Variants in ROBO2 observed in about 807,000 individuals in gnomAD.
ROBO2 encodes the protein roundabout guidance receptor 2, also known as roundabout homolog 2.
A neutral mutation model predicts 160.8 loss-of-function variants in ROBO2; 53 were observed. The ratio of observed to expected loss-of-function variants is 0.33; its 90% CI spans 0.26 to 0.41. The LOEUF (loss-of-function observed/expected upper bound fraction) is 0.41, where lower values mean the gene tolerates loss of function less well. ROBO2 is among the 10% of genes least tolerant of loss of function. The pLI, the probability that ROBO2 is intolerant of heterozygous loss-of-function variation, is 1.00. For synonymous variants in ROBO2, 664 were observed against 611.7 expected (o/e 1.09, Z -1.26); for missense variants, 1,577 against 1,722.4 (o/e 0.92, Z 1.49).
At chr3:77,340,583 A>G (rs1275029188) in intron 2 of ROBO2, among the ~76,000 whole-genome samples, 2 of 152,154 alleles carry the variant, frequency 1.3e-5, no homozygotes, top group Non-Finnish European at 2.9e-5. Flanking sequence ...TATAATTCAG[A>G]TCTTTTTCAT....
chr3:77,634,706 G>T, intron 23 of ROBO2, 164 bp from the exon 25 acceptor site: 1 of 716,484 alleles, frequency 1.4e-6, no homozygotes, highest in Non-Finnish European at 2.4e-6. Flanking sequence ...GTGCAGCTGA[G>T]AATGTAGAAA....
At chr3:77,470,501 C>T (rs2083246531) in intron 2 of ROBO2, among the ~76,000 whole-genome samples, 1 of 152,122 alleles carries the variant, frequency 6.6e-6, no homozygotes, top group South Asian at 2.1e-4. Flanking sequence ...TTACCTAACA[C>T]AATAGATGAG....
At chr3:76,819,535 A>C (rs2065942362) in intron 2 of ROBO2, among the ~76,000 whole-genome samples, 1 of 151,974 alleles carries the variant, frequency 6.6e-6, no homozygotes, top group Non-Finnish European at 1.5e-5. Context: ...AACATCTCTA[A>C]AAAGTGTAAC....
Position 76,383,115 on chromosome 3 carries a change from AGG to A in ROBO2, c.109+445516_109+445517del, listed in dbSNP as rs548449667. Among the ~76,000 whole-genome samples the A allele has an allele frequency of 2.5e-3, 378 of 152,336 alleles. 3 individuals are homozygous for A. Among genetic ancestry groups the A allele is most frequent in the African/African-American group, 8.6e-3 (356 of 41,584 alleles). ...GTGGGAAGCATGCGATGGAGTAGGC[AGG>A]GGAAAGGCTAGTATTGAACAGAAAA... On this transcript the variant is annotated intron_variant, in intron 2 of 26. Transcript: ENST00000487694.
At chr3:77,531,128 T>C (rs1392437505) in intron 6 of ROBO2, among the ~76,000 whole-genome samples, 1 of 151,962 alleles carries the variant, frequency 6.6e-6, no homozygotes, top group Non-Finnish European at 1.5e-5. Context: ...TAGATGCTGA[T>C]TGCCTGGAGT....
At chr3:76,535,983 G>T (rs1440511931) in intron 2 of ROBO2, among the ~76,000 whole-genome samples, 2 of 152,186 alleles carry the variant, frequency 1.3e-5, no homozygotes, top group Non-Finnish European at 2.9e-5. Flanking sequence ...AGGGGCCCTA[G>T]AAGTGGCTGC....
intron 2 of ROBO2, among the ~76,000 whole-genome samples, chr3:76,467,183 G>A (rs1434297181): frequency 1.3e-5 from 2 of 152,040 alleles, no homozygotes; most frequent in Non-Finnish European, 2.9e-5. Flanking sequence ...GCCATTGGAT[G>A]GCAGATAAAA....
At chr3:77,107,630 A>G (rs1233022328) in intron 2 of ROBO2, among the ~76,000 whole-genome samples, 3 of 152,202 alleles carry the variant, frequency 2.0e-5, no homozygotes, top group Non-Finnish European at 4.4e-5. Flanking sequence ...ATGTGTAGCT[A>G]TATGTAAATA....
At chr3:77,402,360 C>T (rs1326820997) in intron 2 of ROBO2, among the ~76,000 whole-genome samples, 2 of 152,046 alleles carry the variant, frequency 1.3e-5, no homozygotes, top group Non-Finnish European at 2.9e-5. Flanking sequence ...GTGCAACAAA[C>T]CACAATGGCA....
intron 2 of ROBO2, among the ~76,000 whole-genome samples, chr3:76,581,696 G>A (rs1476889303): frequency 1.3e-5 from 2 of 152,024 alleles, no homozygotes; most frequent in African/African-American, 4.8e-5. Context: ...GTTCAGGCAG[G>A]CTAAATACAA....
intron 2 of ROBO2, among the ~76,000 whole-genome samples, chr3:76,439,475 A>G (rs1049924219): frequency 2.6e-5 from 4 of 152,196 alleles, no homozygotes; most frequent in African/African-American, 9.7e-5. Context: ...GTGCTCCTAA[A>G]GAAATTGACA....
chr3:76,757,413 A>C (rs2061037785), intron 2 of ROBO2, among the ~76,000 whole-genome samples: 1 of 151,848 alleles, frequency 6.6e-6, no homozygotes. Flanking sequence ...TCATTGTGCT[A>C]TGCCTCTTCC....
intron 2 of ROBO2, among the ~76,000 whole-genome samples, chr3:76,575,836 A>G (rs1259371383): frequency 6.6e-6 from 1 of 152,114 alleles, no homozygotes; most frequent in African/African-American, 2.4e-5. Context: ...AATTTAATTT[A>G]GTTGAGTTTT....
At chr3:76,538,783 C>T (rs1185987611) in intron 2 of ROBO2, among the ~76,000 whole-genome samples, 1 of 152,082 alleles carries the variant, frequency 6.6e-6, no homozygotes, top group Non-Finnish European at 1.5e-5. Flanking sequence ...TTGTTCCCAC[C>T]TTTCTTTATG....
At chr3:76,386,269 G>A (rs1475355125) in intron 2 of ROBO2, among the ~76,000 whole-genome samples, 5 of 151,656 alleles carry the variant, frequency 3.3e-5, no homozygotes, top group Non-Finnish European at 1.5e-5. Context: ...TCTTACCAAT[G>A]CAAACTAGAC....
intron 2 of ROBO2, among the ~76,000 whole-genome samples, chr3:76,425,256 C>T (rs1039377671): frequency 1.3e-5 from 2 of 151,928 alleles, no homozygotes; most frequent in Admixed American, 6.6e-5. Context: ...TTCTGACTTT[C>T]CCAAATTAGA....
chr3:76,496,670 T>A lies in ROBO2; in HGVS notation c.109+559068T>A, dbSNP rs116615668. Among the ~76,000 whole-genome samples the A allele has an allele frequency of 5.0e-3, 755 of 152,298 alleles. 6 individuals carry two copies. Among genetic ancestry groups the A allele is most frequent in the African/African-American group, 0.017 (698 of 41,572 alleles). On this transcript the variant is annotated intron_variant, in intron 2 of 26. Coordinates refer to the ROBO2 transcript ENST00000487694. Reference sequence around the variant, plus strand: ...GAGTCCTTCCCCAGTTTCTGTCATGTTGGTAAATGGCAATACCACTCATCC... The same window carrying A: ...GAGTCCTTCCCCAGTTTCTGTCATGATGGTAAATGGCAATACCACTCATCC...
intron 2 of ROBO2, among the ~76,000 whole-genome samples, chr3:76,499,906 A>G (rs1361227541): frequency 1.3e-5 from 2 of 152,058 alleles, no homozygotes; most frequent in Non-Finnish European, 1.5e-5. Flanking sequence ...GTGCTGATAT[A>G]CAAATAAGTA....
At position 76,451,027 on chromosome 3, in the gene ROBO2, C is replaced by T. The variant is rs78309107; in HGVS notation, c.109+513425C>T. Among the ~76,000 whole-genome samples, 757 of 152,220 alleles carry T rather than the reference C, an allele frequency of 5.0e-3. 6 individuals carry two copies. The highest frequency in any genetic ancestry group is 0.017 in the African/African-American group (698 of 41,538). Reference sequence around the variant, plus strand: ...GGCCGCAGACGCCTTTCCAGGGAGGCTGTTCTCCACATTGCCATTCGGGGT... The same window carrying T: ...GGCCGCAGACGCCTTTCCAGGGAGGTTGTTCTCCACATTGCCATTCGGGGT... On this transcript the variant is annotated intron_variant, in intron 2 of 26. Transcript: ENST00000487694.
Sources: gnomAD v4.1 joint callset for allele counts (sites outside exome capture counted in the v4.1 genomes callset) on GRCh38, gnomAD v4.1.1 for gene constraint, MANE v1.5 for transcripts, NCBI Gene and HGNC (gene_info 2026-07-23, HGNC 2026-07-21) for gene names.